LRP1B: variants seen among roughly 807,000 people sequenced by gnomAD.
The protein encoded by LRP1B is LDL receptor related protein 1B.
A neutral mutation model predicts 556.6 loss-of-function variants in LRP1B; 217 were observed. The observed-to-expected ratio is 0.39, with a 90% CI of 0.35 to 0.44. The LOEUF (loss-of-function observed/expected upper bound fraction) is 0.44, where lower values mean the gene tolerates loss of function less well. Ranked by LOEUF, LRP1B falls within the 20% of genes least tolerant of loss-of-function variation. The pLI, the probability that LRP1B is intolerant of heterozygous loss-of-function variation, is 1.00. For synonymous variants in LRP1B, 2,047 were observed against 1,865.8 expected, an observed-to-expected ratio of 1.10 and a Z score of -2.50; for missense variants, 5,053 against 5,620.8, an observed-to-expected ratio of 0.90 and a Z score of 3.23.
Position 141,764,266 on chromosome 2 carries a change from C to T in LRP1B, c.205+46013G>A, listed in dbSNP as rs143452385. 7.4e-4 allele frequency among the ~76,000 whole-genome samples: 113 copies of T among 152,080 alleles called. 3 individuals carry two copies. The highest frequency in any genetic ancestry group is 2.4e-3 in the African/African-American group (100 of 41,506). ...GGCGATCTCGGCTCACTGCAAGCTC[C>T]GCCTCCCGGGTTCACGCCATTCTCC... On this transcript the variant is annotated intron_variant, in intron 2 of 90. Transcript: ENST00000389484.
chr2:142,018,474 C>G (rs7567898), intron 1 of LRP1B, among the ~76,000 whole-genome samples: 143,061 of 152,240 alleles, frequency 0.94, 67,455 homozygotes, highest in East Asian at 1. Context: ...GTTTATTTTA[C>G]TAGGATTTTT....
chr2:140,419,689 A>G (rs1685349883), intron 66 of LRP1B, among the ~76,000 whole-genome samples: 1 of 152,224 alleles, frequency 6.6e-6, no homozygotes, highest in East Asian at 1.9e-4. Flanking sequence ...TATTCTAAAT[A>G]ACTCCTGGTT....
chr2:141,596,600 T>C (rs17791619), intron 2 of LRP1B, among the ~76,000 whole-genome samples: 12,128 of 152,102 alleles, frequency 0.08, 569 homozygotes, highest in South Asian at 0.13. Context: ...CTAAAGTAAT[T>C]GTGATGAACT....
chr2:141,389,929 C>T (rs1399641894), intron 3 of LRP1B, among the ~76,000 whole-genome samples: 5 of 152,100 alleles, frequency 3.3e-5, no homozygotes, highest in African/African-American at 9.7e-5. Flanking sequence ...CACCAGAGGT[C>T]GGGAGTTTGA....
intron 1 of LRP1B, among the ~76,000 whole-genome samples, chr2:141,999,988 T>G (rs1702607349): frequency 1.3e-5 from 2 of 149,178 alleles, no homozygotes; most frequent in South Asian, 4.2e-4. Context: ...TTATACTATA[T>G]ACATATAGAA....
chr2:141,700,834 A>G (rs935778777), intron 2 of LRP1B, among the ~76,000 whole-genome samples: 14 of 151,900 alleles, frequency 9.2e-5, no homozygotes, highest in Non-Finnish European at 2.9e-5. Flanking sequence ...GCTACCACAT[A>G]ATAAAGGAAA....
At chr2:140,698,237 C>G (rs1686506040) in intron 41 of LRP1B, among the ~76,000 whole-genome samples, 2 of 151,806 alleles carry the variant, frequency 1.3e-5, no homozygotes, top group Admixed American at 1.3e-4. Flanking sequence ...AATGCTTAGC[C>G]CAGAAGAGTA....
At chr2:141,427,850 C>T (rs1188210180) in intron 3 of LRP1B, among the ~76,000 whole-genome samples, 6 of 152,028 alleles carry the variant, frequency 3.9e-5, no homozygotes, top group Non-Finnish European at 1.5e-5. Context: ...CTATAAAATG[C>T]TTTCTTAGTA....
intron 1 of LRP1B, among the ~76,000 whole-genome samples, chr2:141,832,889 TTAACTAC>T (rs1253437300): frequency 6.6e-6 from 1 of 151,852 alleles, no homozygotes; most frequent in Non-Finnish European, 1.5e-5. Context: ...TATCTTTTAT[TTAACTAC>T]TCACAGAACA....
intron 1 of LRP1B, among the ~76,000 whole-genome samples, chr2:142,080,415 T>A: frequency 6.6e-6 from 1 of 152,188 alleles, no homozygotes; most frequent in Non-Finnish European, 1.5e-5. Flanking sequence ...TAGTGGAAAC[T>A]GTGGGGTTTT....
chr2:141,796,958 T>C (rs1182452888), intron 2 of LRP1B, among the ~76,000 whole-genome samples: 1 of 151,452 alleles, frequency 6.6e-6, no homozygotes, highest in African/African-American at 2.4e-5. Flanking sequence ...AAAGATTGGA[T>C]GAAAAAATTC....
In LRP1B at chr2:140,231,488, A is replaced by T. The variant is rs535688556; in HGVS notation, c.*1698T>A. On this transcript the variant is annotated 3_prime_UTR_variant, in exon 91 of 91. Coordinates refer to ENST00000389484, the MANE Select transcript of LRP1B (RefSeq NM_018557.3). ...TTTTTTATAAAGTATTTAACACTTC[A>T]TTGTAGAAACATAGGCAAAATGACT... 3 of 151,832 alleles carry T rather than the reference A, an allele frequency of 2.0e-5. No individual in the cohort carries two copies. Among genetic ancestry groups the T allele is most frequent in the Non-Finnish European group, 4.4e-5 (3 of 67,602 alleles). The allele number at this position is 151,832 out of a possible 1,614,324, so 9.4% of individuals were successfully genotyped here.
intron 26 of LRP1B, 40 bp downstream of exon 26, chr2:140,868,059 A>G: frequency 1.9e-6 from 3 of 1,543,042 alleles, no homozygotes; most frequent in Non-Finnish European, 2.6e-6. Flanking sequence ...ATATTATCTA[A>G]GTAAAAAAAA....
At chr2:141,904,687 G>A (rs1699707193) in intron 1 of LRP1B, among the ~76,000 whole-genome samples, 1 of 151,830 alleles carries the variant, frequency 6.6e-6, no homozygotes. Flanking sequence ...GCAAGAGAGA[G>A]GATAGCTAGG....
chr2:140,425,686 G>A (rs942011351), intron 66 of LRP1B, among the ~76,000 whole-genome samples: 2 of 152,180 alleles, frequency 1.3e-5, no homozygotes, highest in African/African-American at 2.4e-5. Flanking sequence ...GATTACAGGA[G>A]TGAGCCACCG....
intron 31 of LRP1B, among the ~76,000 whole-genome samples, chr2:140,838,622 T>G (rs1286901608): frequency 1.3e-5 from 2 of 152,124 alleles, no homozygotes; most frequent in African/African-American, 4.8e-5. Context: ...ATCGACAAGC[T>G]TCATGATATA....
At chr2:141,207,621 T>A (rs1278004890) in intron 6 of LRP1B, among the ~76,000 whole-genome samples, 1 of 152,180 alleles carries the variant, frequency 6.6e-6, no homozygotes. Context: ...CATTTAAGAC[T>A]AACAATTAAT....
intron 6 of LRP1B, among the ~76,000 whole-genome samples, chr2:141,224,067 A>T (rs954128395): frequency 2.6e-5 from 4 of 152,134 alleles, no homozygotes; most frequent in Admixed American, 2.6e-4. Context: ...TCTGCACAGT[A>T]AAAGAAACTA....
At chr2:141,791,378 T>TAC (rs770659142) in intron 2 of LRP1B, among the ~76,000 whole-genome samples, 10 of 151,844 alleles carry the variant, frequency 6.6e-5, no homozygotes, top group African/African-American at 1.2e-4. Context: ...TTGAGCTATA[T>TAC]ACACACACAC....
Sources: gnomAD v4.1 joint callset for allele counts (sites outside exome capture counted in the v4.1 genomes callset) on GRCh38, gnomAD v4.1.1 for gene constraint, MANE v1.5 for transcripts, NCBI Gene and HGNC (gene_info 2026-07-23, HGNC 2026-07-21) for gene names.